Variants in WSCD2 observed in about 807,000 individuals in gnomAD.
The protein encoded by WSCD2 is WSC domain sialate O sulfotransferase 2, also known as sialate:O-sulfotransferase 2.
Under a neutral mutation model 55.7 loss-of-function variants are expected in WSCD2, and 28 were observed. That is an observed-to-expected ratio of 0.50 (90% confidence interval 0.37 to 0.69). The LOEUF (loss-of-function observed/expected upper bound fraction) is 0.69, where lower values mean the gene tolerates loss of function less well. Ranked by LOEUF, WSCD2 falls within the 30% of genes least tolerant of loss-of-function variation. The pLI is 0.00. For missense variants in WSCD2, 616 were observed against 762.1 expected, an observed-to-expected ratio of 0.81 and a Z score of 2.26; for synonymous variants, 301 against 301.9, an observed-to-expected ratio of 1.00 and a Z score of 0.03.
At chr12:108,211,281 G>A (rs1358635560) in intron 4 of WSCD2, among the ~76,000 whole-genome samples, 1 of 152,218 alleles carries the variant, frequency 6.6e-6, no homozygotes, top group Non-Finnish European at 1.5e-5. Context: ...AAGGACAGAA[G>A]CAGAAATCCA....
intron 4 of WSCD2, among the ~76,000 whole-genome samples, chr12:108,215,904 C>T (rs1245757107): frequency 6.6e-6 from 1 of 152,216 alleles, no homozygotes; most frequent in Non-Finnish European, 1.5e-5. Context: ...TGAACAGTTG[C>T]TCTGCTTGCT....
intron 1 of WSCD2, among the ~76,000 whole-genome samples, chr12:108,172,636 A>G (rs560727377): frequency 1.8e-4 from 28 of 152,328 alleles, no homozygotes; most frequent in African/African-American, 4.1e-4. Flanking sequence ...TTACACCTCT[A>G]CAAGTTGGCA....
intron 2 of WSCD2, among the ~76,000 whole-genome samples, chr12:108,202,712 G>C (rs1028672352): frequency 2.0e-5 from 3 of 152,144 alleles, no homozygotes; most frequent in Admixed American, 6.5e-5. Context: ...GAAGGTGCAG[G>C]GTGGTAGGAG....
chr12:108,195,417 C>T lies in WSCD2; in HGVS notation c.-416C>T, dbSNP rs891904930. The T allele has an allele frequency of 6.1e-6, 1 of 162,606 alleles. No homozygotes were observed. The highest frequency in any genetic ancestry group is 2.4e-5 in the African/African-American group (1 of 41,648). 10.1% of individuals were successfully genotyped at this position (162,606 alleles called of 1,614,324 possible). A position where few individuals can be genotyped will look rare whatever the true frequency, so the allele number is the denominator to read the frequency against. On this transcript the variant is annotated 5_prime_UTR_variant, in exon 2 of 9. Transcript: ENST00000547525. The stretch of plus-strand genomic sequence containing the variant: ...GGCCCCCAGTGAAATAACCCAGATC[C>T]ATTGGCCTGAGGAGCAGAGAAAGGG...
At chr12:108,176,118 C>A (rs945981310) in intron 1 of WSCD2, among the ~76,000 whole-genome samples, 4 of 152,164 alleles carry the variant, frequency 2.6e-5, no homozygotes, top group African/African-American at 9.7e-5. Context: ...GGATTACAGG[C>A]GCGAGCCACC....
chr12:108,227,727 G>GTGATGATGATGATGATGA (rs112313899), intron 6 of WSCD2, among the ~76,000 whole-genome samples: 2 of 150,360 alleles, frequency 1.3e-5, no homozygotes, highest in African/African-American at 4.9e-5. Context: ...GATAATGATG[G>GTGATGATGATGATGATGA]TGATGATGAT....
chr12:108,196,709 C>T (rs923241783), intron 2 of WSCD2, among the ~76,000 whole-genome samples: 1 of 152,208 alleles, frequency 6.6e-6, no homozygotes, highest in African/African-American at 2.4e-5. Context: ...AGCTTCTGCT[C>T]CACCAGACTG....
intron 1 of WSCD2, among the ~76,000 whole-genome samples, chr12:108,147,844 G>A (rs1877564011): frequency 6.6e-6 from 1 of 150,922 alleles, no homozygotes; most frequent in Non-Finnish European, 1.5e-5. Flanking sequence ...GAGACAAAGT[G>A]AGACCCTGTC....
At chr12:108,188,995 C>T (rs550213679) in intron 1 of WSCD2, among the ~76,000 whole-genome samples, 27 of 152,170 alleles carry the variant, frequency 1.8e-4, no homozygotes, top group South Asian at 6.2e-4. Flanking sequence ...TATTGCTTTC[C>T]GGGGATCTGT....
chr12:108,193,323 G>A (rs1393607374), intron 1 of WSCD2, among the ~76,000 whole-genome samples: 1 of 152,190 alleles, frequency 6.6e-6, no homozygotes, highest in Non-Finnish European at 1.5e-5. Context: ...TTCTCCCTCA[G>A]TTGACTCTGA....
At chr12:108,229,529 T>A (rs1888506625) in intron 6 of WSCD2, among the ~76,000 whole-genome samples, 1 of 152,154 alleles carries the variant, frequency 6.6e-6, no homozygotes, top group Non-Finnish European at 1.5e-5. Flanking sequence ...CACATAATTG[T>A]GTAAGGTTTA....
At chr12:108,143,051 C>T (rs745698894) in intron 1 of WSCD2, among the ~76,000 whole-genome samples, 16 of 152,196 alleles carry the variant, frequency 1.1e-4, no homozygotes, top group African/African-American at 7.2e-5. Context: ...TCGCCTCAAG[C>T]GATCCTCCCA....
At chr12:108,232,121 G>T (rs1308927453) in intron 6 of WSCD2, among the ~76,000 whole-genome samples, 2 of 152,178 alleles carry the variant, frequency 1.3e-5, no homozygotes, top group Non-Finnish European at 2.9e-5. Flanking sequence ...GGATTAGAAT[G>T]AGCCTGTGAG....
At chr12:108,138,284 G>A (rs1431014489) in intron 1 of WSCD2, among the ~76,000 whole-genome samples, 6 of 152,126 alleles carry the variant, frequency 3.9e-5, no homozygotes, top group African/African-American at 1.4e-4. Context: ...TAGATGCCCC[G>A]GCCTCAAAAA....
At chr12:108,213,968 C>G (rs1759929715) in intron 4 of WSCD2, among the ~76,000 whole-genome samples, 2 of 152,198 alleles carry the variant, frequency 1.3e-5, no homozygotes, top group South Asian at 4.1e-4. Flanking sequence ...GTGAAATCTG[C>G]AATGTCTTTG....
chr12:108,215,417 G>A (rs1221414666), intron 4 of WSCD2, among the ~76,000 whole-genome samples: 3 of 152,104 alleles, frequency 2.0e-5, no homozygotes, highest in Non-Finnish European at 4.4e-5. Context: ...ACCGAGTGAG[G>A]TAAAGACTAG....
At chr12:108,224,376 C>T (rs773399886) in intron 4 of WSCD2, among the ~76,000 whole-genome samples, 117 of 152,132 alleles carry the variant, frequency 7.7e-4, no homozygotes, top group Non-Finnish European at 5.6e-4. Context: ...AAAAATCCTC[C>T]GTGTACTTGA....
At chr12:108,169,539 G>A (rs1880012914) in intron 1 of WSCD2, among the ~76,000 whole-genome samples, 1 of 152,128 alleles carries the variant, frequency 6.6e-6, no homozygotes, top group South Asian at 2.1e-4. Flanking sequence ...ACTGATTTGA[G>A]TGGTGCCAAA....
At chr12:108,223,354 T>G (rs558283479) in intron 4 of WSCD2, among the ~76,000 whole-genome samples, 8 of 152,352 alleles carry the variant, frequency 5.3e-5, no homozygotes, top group African/African-American at 1.9e-4. Context: ...AAATTGATAT[T>G]TTATAACCTG....
Sources: gnomAD v4.1 joint callset for allele counts (sites outside exome capture counted in the v4.1 genomes callset) on GRCh38, gnomAD v4.1.1 for gene constraint, MANE v1.5 for transcripts, NCBI Gene and HGNC (gene_info 2026-07-23, HGNC 2026-07-21) for gene names.